Variants in ANKRD12 observed in about 807,000 individuals in gnomAD.
ANKRD12 encodes ankyrin repeat domain 12.
Under a neutral mutation model 183.4 loss-of-function variants are expected in ANKRD12, and 85 were observed. The observed-to-expected ratio is 0.46, with a 90% CI of 0.39 to 0.56. ANKRD12 has a LOEUF of 0.56. ANKRD12 is among the 20% of genes least tolerant of loss of function. The pLI, the probability that ANKRD12 is intolerant of heterozygous loss-of-function variation, is 0.00. For missense variants in ANKRD12, 2,405 were observed against 2,357.1 expected (o/e 1.02, Z -0.42); for synonymous variants, 914 against 800.2 (o/e 1.14, Z -2.40).
At chr18:9,193,575 G>T (rs1231154647) in intron 2 of ANKRD12, among the ~76,000 whole-genome samples, 1 of 151,832 alleles carries the variant, frequency 6.6e-6, no homozygotes, top group Non-Finnish European at 1.5e-5. Flanking sequence ...TTCACCAAAG[G>T]TTTGTTAATT....
intron 1 of ANKRD12, among the ~76,000 whole-genome samples, chr18:9,148,070 A>G (rs2078552824): frequency 6.6e-6 from 1 of 152,128 alleles, no homozygotes; most frequent in Admixed American, 6.6e-5. Context: ...CATTGGTAGT[A>G]TTTTCTGCTC....
intron 6 of ANKRD12, 34 bp from the exon 7 acceptor site, chr18:9,216,724 A>G (rs773420468): frequency 6.2e-6 from 10 of 1,605,032 alleles, no homozygotes; most frequent in Admixed American, 3.4e-5. Flanking sequence ...AAGTAGCGCA[A>G]GTGAATCATG....
chr18:9,143,739 C>T (rs756242372), intron 1 of ANKRD12, among the ~76,000 whole-genome samples: 3 of 152,138 alleles, frequency 2.0e-5, no homozygotes, highest in Non-Finnish European at 4.4e-5. Flanking sequence ...GGATTACAGG[C>T]GTGAGCCACC....
At chr18:9,149,804 T>A (rs866357321) in intron 1 of ANKRD12, among the ~76,000 whole-genome samples, 805 of 71,104 alleles carry the variant, frequency 0.011, 13 homozygotes, top group East Asian at 0.06. Context: ...TTTTATTTTT[T>A]TTTTTTTTTG....
chr18:9,256,064 A>G lies in ANKRD12; in HGVS notation c.2797A>G (p.Lys933Glu), dbSNP rs1177126587. The part of the protein sequence containing the change: ...AESKEKHLME[K>E]KNKQSDNSEY... Reference sequence around the variant, plus strand: ...AAGCAAAGAAAAGCACTTGATGGAGAAAAAAAATAAACAATCAGATAATAG... The same window carrying G: ...AAGCAAAGAAAAGCACTTGATGGAGGAAAAAAATAAACAATCAGATAATAG... Residue 933 changes from lysine (K) to glutamate (E), a missense_variant, in exon 9 of 13, where the codon AAA becomes GAA. Lys to Glu is a moderately conservative substitution (Grantham distance 56). Transcript: ENST00000262126. 7.7e-6 allele frequency: 12 copies of G among 1,556,738 alleles called. No individual in the cohort carries two copies. The highest frequency in any genetic ancestry group is 2.2e-5 in the Admixed American group (1 of 46,470).
rs776365019 is a variant in ANKRD12 at position 9,256,372 on chromosome 18, T to C, written c.3105T>C (p.Asp1035=). ...DRYKERDKHK[D]KIQINSLLKL... is the part of the protein sequence containing the mutation. Reference sequence around the variant, plus strand: ...ACAAAGAACGAGACAAACATAAAGATAAAATTCAAATAAATAGCTTACTCA... The same window carrying C: ...ACAAAGAACGAGACAAACATAAAGACAAAATTCAAATAAATAGCTTACTCA... The change falls in exon 9 of 13, where the codon GAT becomes GAC. Residue 1035 remains aspartate (D), a synonymous_variant. Coordinates refer to ENST00000262126, the MANE Select transcript of ANKRD12 (RefSeq NM_015208.5). The C allele has an allele frequency of 1.2e-5, 19 of 1,601,882 alleles. No homozygotes were observed. In the African/African-American group the frequency reaches 1.2e-4, roughly 10 times the overall value.
chr18:9,222,032 G>A (rs759073120), intron 8 of ANKRD12, 33 bp downstream of exon 8: 38 of 1,607,034 alleles, frequency 2.4e-5, no homozygotes, highest in East Asian at 1.8e-4. Context: ...TCATCTGTTC[G>A]TTTGACATGA....
intron 10 of ANKRD12, among the ~76,000 whole-genome samples, chr18:9,272,653 CA>C (rs2039660661): frequency 6.6e-6 from 1 of 152,092 alleles, no homozygotes; most frequent in Non-Finnish European, 1.5e-5. Flanking sequence ...TGCAGGACTA[CA>C]ACCAACTTTT....
chr18:9,139,764 A>C (rs1367822381), intron 1 of ANKRD12, among the ~76,000 whole-genome samples: 1 of 152,330 alleles, frequency 6.6e-6, no homozygotes, highest in Middle Eastern at 3.4e-3. Context: ...TGTGCCTTGT[A>C]AAGGGTGCAG....
intron 1 of ANKRD12, among the ~76,000 whole-genome samples, chr18:9,172,268 T>C (rs916548502): frequency 6.6e-6 from 1 of 152,148 alleles, no homozygotes; most frequent in African/African-American, 2.4e-5. Flanking sequence ...TGTTGGCCCT[T>C]CTTGCTAGGT....
rs2035621286 is a variant in ANKRD12 at position 9,208,757 on chromosome 18, A to G, written c.405A>G (p.Lys135=). 6.2e-7 allele frequency: 1 copy of G among 1,609,282 alleles called. No individual in the cohort carries two copies. Among genetic ancestry groups the G allele is most frequent in the African/African-American group, 1.3e-5 (1 of 74,718 alleles). Residue 135 remains lysine, a synonymous_variant, in exon 5 of 13, where the codon AAA becomes AAG. Transcript: ENST00000262126. The stretch of plus-strand genomic sequence containing the variant: ...TTGGTTATCCACTCTCTGAGCGAAA[A>G]CAGATGGCACTTCTTATGCAGATGA... ...ILFGYPLSER[K]QMALLMQMTA...
chr18:9,280,851 T>C (rs2040080640), intron 12 of ANKRD12, 90 bp from the exon 13 acceptor site: 1 of 1,251,382 alleles, frequency 8.0e-7, no homozygotes, highest in African/African-American at 1.5e-5. Context: ...ATGTGTCCAT[T>C]TTAGTTCCTA....
At chr18:9,139,463 TATC>T (rs2078244187) in intron 1 of ANKRD12, among the ~76,000 whole-genome samples, 1 of 152,244 alleles carries the variant, frequency 6.6e-6, no homozygotes, top group Non-Finnish European at 1.5e-5. Context: ...ATTTTTAAAA[TATC>T]ATTTTGATTT....
chr18:9,198,374 T>C (rs1459099536), intron 3 of ANKRD12, among the ~76,000 whole-genome samples: 2 of 152,156 alleles, frequency 1.3e-5, no homozygotes, highest in Admixed American at 6.5e-5. Context: ...CAATTTATGG[T>C]GAATGACAAA....
chr18:9,190,940 C>T (rs2034414536), intron 2 of ANKRD12, among the ~76,000 whole-genome samples: 1 of 152,244 alleles, frequency 6.6e-6, no homozygotes, highest in African/African-American at 2.4e-5. Flanking sequence ...GCCATATCTC[C>T]AAGGTATGCC....
At position 9,282,565 on chromosome 18, in the gene ANKRD12, G is replaced by T. The variant is rs2145524334; in HGVS notation, c.*1439G>T. Reference sequence around the variant, plus strand: ...GCTGCTGAACTTGTTAGACATTTTTGAAAGGAAAATTAGGTTAGCGTACAA... The same window carrying T: ...GCTGCTGAACTTGTTAGACATTTTTTAAAGGAAAATTAGGTTAGCGTACAA... On this transcript the variant is annotated 3_prime_UTR_variant, in exon 13 of 13. Transcript: ENST00000262126. 6.6e-6 allele frequency: 1 copy of T among 152,552 alleles called. No homozygotes were observed. Among genetic ancestry groups the T allele is most frequent in the East Asian group, 1.9e-4 (1 of 5,182 alleles). 9.4% of individuals were successfully genotyped at this position (152,552 alleles called of 1,614,324 possible).
intron 8 of ANKRD12, among the ~76,000 whole-genome samples, chr18:9,224,963 A>G (rs184885045): frequency 2.1e-4 from 32 of 152,328 alleles, no homozygotes; most frequent in African/African-American, 6.5e-4. Flanking sequence ...TGGGCTGGGC[A>G]TGGTGGCATG....
rs530461959 is a variant in ANKRD12, at chr18:9,283,954, G to C, written c.*2828G>C. Reference sequence around the variant, plus strand: ...CAGGCATACCTCAGACGTACTTTAGGTTCCAGACCATCTCAGTAAAGCAAA... The same window carrying C: ...CAGGCATACCTCAGACGTACTTTAGCTTCCAGACCATCTCAGTAAAGCAAA... On this transcript the variant is annotated 3_prime_UTR_variant, in exon 13 of 13. Transcript: ENST00000262126. The C allele has an allele frequency of 2.0e-5, 3 of 152,268 alleles. No homozygotes were observed. In the South Asian group the frequency reaches 6.2e-4, roughly 32 times the overall value. The allele number at this position is 152,268 out of a possible 1,614,324, so 9.4% of individuals were successfully genotyped here. A position where few individuals can be genotyped will look rare whatever the true frequency, so the allele number is the denominator to read the frequency against.
rs779566956 is a variant in ANKRD12, at chr18:9,258,433, C to G, written c.5166C>G (p.Ala1722=). The G allele has an allele frequency of 1.2e-6, 2 of 1,613,338 alleles. No homozygotes were observed. The highest frequency in any genetic ancestry group is 1.3e-5 in the African/African-American group (1 of 74,790). ...QLVKVELEEN[A]EDDKTENQIP... The stretch of plus-strand genomic sequence containing the variant: ...TTAAAGTAGAATTAGAAGAAAATGC[C>G]GAAGATGATAAAACTGAAAACCAAA... Residue 1722 remains alanine (A), a synonymous_variant, in exon 9 of 13, where the codon GCC becomes GCG. Transcript: ENST00000262126.
Sources: allele counts gnomAD v4.1 joint callset (sites outside exome capture counted in the v4.1 genomes callset), GRCh38; gene constraint gnomAD v4.1.1; transcripts MANE v1.5; gene names NCBI Gene and HGNC (gene_info 2026-07-23, HGNC 2026-07-21).